The following SPIRE1 variants were observed in gnomAD, a reference collection of about 807,000 sequenced individuals.
SPIRE1 encodes protein spire homolog 1.
A neutral mutation model predicts 94.1 loss-of-function variants in SPIRE1; 40 were observed. That is an observed-to-expected ratio of 0.43 (90% CI 0.33 to 0.55). The LOEUF (loss-of-function observed/expected upper bound fraction) is 0.55, where lower values mean the gene tolerates loss of function less well. SPIRE1 is among the 20% of genes least tolerant of loss of function. SPIRE1 has a pLI of 0.06. For synonymous variants in SPIRE1, 376 were observed against 371.7 expected (o/e 1.01, Z -0.13); for missense variants, 838 against 975.2 (o/e 0.86, Z 1.87).
intron 9 of SPIRE1, among the ~76,000 whole-genome samples, chr18:12,483,703 T>C (rs2032929034): frequency 6.6e-6 from 1 of 152,198 alleles, no homozygotes; most frequent in Admixed American, 6.5e-5. Context: ...ATCATTATCT[T>C]GTACTTAAGT....
chr18:12,603,718 G>A (rs930038374), intron 2 of SPIRE1, among the ~76,000 whole-genome samples: 1 of 151,978 alleles, frequency 6.6e-6, no homozygotes, highest in Non-Finnish European at 1.5e-5. Context: ...GGGACTACAG[G>A]TGCCCGACAC....
intron 2 of SPIRE1, among the ~76,000 whole-genome samples, chr18:12,630,091 A>G (rs1302050493): frequency 6.6e-6 from 1 of 152,256 alleles, no homozygotes; most frequent in African/African-American, 2.4e-5. Context: ...AGTTATAATT[A>G]AAACTACAAA....
intron 5 of SPIRE1, among the ~76,000 whole-genome samples, chr18:12,508,427 A>G (rs1391362419): frequency 6.6e-6 from 1 of 152,196 alleles, no homozygotes; most frequent in Non-Finnish European, 1.5e-5. Context: ...AAATATTCAT[A>G]TTTAAAAAGA....
At position 12,463,479 on chromosome 18, in the gene SPIRE1, G is replaced by C; in HGVS notation, c.1510C>G (p.Leu504Val). 2 of 1,612,816 alleles carry C rather than the reference G, an allele frequency of 1.2e-6. No homozygotes were observed. Among genetic ancestry groups the C allele is most frequent in the Non-Finnish European group, 1.7e-6 (2 of 1,179,414 alleles). The change falls in exon 12 of 17, where the codon CTG becomes GTG. Residue 504 changes from leucine (L) to valine (V), a missense_variant. Leu to Val is a conservative substitution (Grantham distance 32). Coordinates refer to ENST00000409402, the MANE Select transcript of SPIRE1 (RefSeq NM_001128626.2). ...VSTRKKPPKF[L>V]PISSTPQPER... Reference sequence around the variant, plus strand: ...GGCTGGGGTGTTGATGATATGGGCAGGAATTTTGGAGGCTCTAAAGATTGA... The same window carrying C: ...GGCTGGGGTGTTGATGATATGGGCACGAATTTTGGAGGCTCTAAAGATTGA...
chr18:12,520,931 C>T lies in SPIRE1; in HGVS notation c.730-8400G>A, dbSNP rs140880424. 1.1e-3 allele frequency among the ~76,000 whole-genome samples: 174 copies of T among 152,288 alleles called. 1 individual carries two copies. Among genetic ancestry groups the T allele is most frequent in the African/African-American group, 3.8e-3 (158 of 41,558 alleles). On this transcript the variant is annotated intron_variant, in intron 4 of 16. Transcript: ENST00000409402. ...AAATAAGTTGAAGTCATGTCACAAA[C>T]AGGTGTCCCAGTGTGAGTTAGTTAA...
At chr18:12,482,010 G>A (rs1035521327) in intron 9 of SPIRE1, among the ~76,000 whole-genome samples, 1 of 151,974 alleles carries the variant, frequency 6.6e-6, no homozygotes, top group Admixed American at 6.6e-5. Flanking sequence ...TACTATAATT[G>A]GAGTTATCAT....
chr18:12,482,552 A>G (rs968090489), intron 9 of SPIRE1, among the ~76,000 whole-genome samples: 45 of 152,352 alleles, frequency 3.0e-4, no homozygotes, highest in African/African-American at 9.9e-4. Context: ...AGAAATGTTT[A>G]AAGTTGTTTA....
intron 1 of SPIRE1, among the ~76,000 whole-genome samples, chr18:12,655,396 C>T (rs1303666206): frequency 6.6e-6 from 1 of 152,158 alleles, no homozygotes; most frequent in Non-Finnish European, 1.5e-5. Flanking sequence ...CTGAGCCACG[C>T]AACTATTCTT....
rs183042024 is a variant in SPIRE1 at position 12,640,157 on chromosome 18, T to C, written c.338-5061A>G. Among the ~76,000 whole-genome samples the C allele has an allele frequency of 5.3e-5, 8 of 152,306 alleles. No homozygotes were observed. The East Asian group carries it at 1.3e-3, about 26-fold the overall frequency. On this transcript the variant is annotated intron_variant, in intron 1 of 16. Transcript: ENST00000409402. Reference sequence around the variant, plus strand: ...TATCTTTAAAGTAGAAACCTCAGCATATGGCTGACTTATCATGCAGTCACA... The same window carrying C: ...TATCTTTAAAGTAGAAACCTCAGCACATGGCTGACTTATCATGCAGTCACA...
intron 2 of SPIRE1, among the ~76,000 whole-genome samples, chr18:12,601,279 C>T (rs1598516001): frequency 6.6e-6 from 1 of 151,464 alleles, no homozygotes; most frequent in African/African-American, 2.4e-5. Context: ...AAAAAATAGT[C>T]AGGCATGGTG....
chr18:12,504,464 G>A (rs934145820), intron 6 of SPIRE1, among the ~76,000 whole-genome samples: 1 of 152,108 alleles, frequency 6.6e-6, no homozygotes, highest in Non-Finnish European at 1.5e-5. Context: ...CCAAGATCAC[G>A]CCACTGCACT....
At position 12,463,402 on chromosome 18, in the gene SPIRE1, A is replaced by T; in HGVS notation, c.1587T>A (p.Pro529=). The change falls in exon 12 of 17, where the codon CCT becomes CCA. Residue 529 remains proline, a synonymous_variant. Transcript: ENST00000409402. The part of the protein sequence containing the change: ...QRRHSIEKET[P]TNVRQFLPPS... ...GCGGCAGGAACTGCCTCACGTTAGT[A>T]GGCGTTTCCTTTTCAATGGAATGTC... 1 of 1,614,078 alleles carries T rather than the reference A, an allele frequency of 6.2e-7. No homozygotes were observed. Among genetic ancestry groups the T allele is most frequent in the Non-Finnish European group, 8.5e-7 (1 of 1,179,990 alleles).
intron 2 of SPIRE1, among the ~76,000 whole-genome samples, chr18:12,622,886 T>C (rs552468704): frequency 6.6e-6 from 1 of 152,352 alleles, no homozygotes; most frequent in African/African-American, 2.4e-5. Context: ...GGTGTCCTTC[T>C]TCCTGGAAAG....
At chr18:12,631,566 A>C (rs1480786197) in intron 2 of SPIRE1, among the ~76,000 whole-genome samples, 3 of 150,314 alleles carry the variant, frequency 2.0e-5, no homozygotes, top group African/African-American at 4.9e-5. Context: ...AAAAAAAAAA[A>C]AAAAAAAAAC....
chr18:12,485,891 G>A, intron 9 of SPIRE1, 68 bp downstream of exon 9: 2 of 1,150,988 alleles, frequency 1.7e-6, no homozygotes, highest in African/African-American at 1.6e-5. Flanking sequence ...ACAAGCAGAT[G>A]AATGAAATGT....
chr18:12,574,284 T>C (rs2036035235), intron 2 of SPIRE1, among the ~76,000 whole-genome samples: 1 of 152,192 alleles, frequency 6.6e-6, no homozygotes, highest in African/African-American at 2.4e-5. Context: ...AAATACAGTG[T>C]TAGAGAACGG....
chr18:12,614,291 G>T (rs536553757), intron 2 of SPIRE1, among the ~76,000 whole-genome samples: 4 of 151,946 alleles, frequency 2.6e-5, no homozygotes, highest in African/African-American at 4.8e-5. Context: ...CTGGAAAAAA[G>T]ATATATATAT....
At chr18:12,478,699 G>T (rs1462161968) in intron 10 of SPIRE1, among the ~76,000 whole-genome samples, 1 of 151,850 alleles carries the variant, frequency 6.6e-6, no homozygotes, top group African/African-American at 2.4e-5. Flanking sequence ...GGGAAGAAGA[G>T]AATTTCATTT....
At chr18:12,584,195 C>T (rs751900676) in intron 2 of SPIRE1, among the ~76,000 whole-genome samples, 4 of 151,896 alleles carry the variant, frequency 2.6e-5, no homozygotes, top group African/African-American at 7.3e-5. Flanking sequence ...TTTGGGAGGC[C>T]GAGGCAGACA....
Sources: allele counts gnomAD v4.1 joint callset (sites outside exome capture counted in the v4.1 genomes callset), GRCh38; gene constraint gnomAD v4.1.1; transcripts MANE v1.5; gene names NCBI Gene and HGNC (gene_info 2026-07-23, HGNC 2026-07-21).